The following DGCR2 variants were observed in gnomAD, a reference collection of about 807,000 sequenced individuals.
DGCR2 encodes the protein DiGeorge syndrome critical region gene 2.
DGCR2 carries 24 observed loss-of-function variants against 51.6 expected under a neutral mutation model. That is an observed-to-expected ratio of 0.47 (90% CI 0.34 to 0.65). DGCR2 has a LOEUF of 0.65. DGCR2 is among the 30% of genes least tolerant of loss of function. The pLI is 0.01. For synonymous variants in DGCR2, 340 were observed against 315.4 expected, an observed-to-expected ratio of 1.08 and a Z score of -0.82; for missense variants, 765 against 772.1, an observed-to-expected ratio of 0.99 and a Z score of 0.11.
At position 19,074,887 on chromosome 22, in the gene DGCR2, G is replaced by A. The variant is rs180726201; in HGVS notation, c.203-6662C>T. ...CCTTTTATTGTGACCCAGGTTTCCC[G>A]CTACAGGGGTTGATGTCCTCTGCAT... On this transcript the variant is annotated intron_variant, in intron 2 of 9. Transcript: ENST00000263196. 6.6e-5 allele frequency among the ~76,000 whole-genome samples: 10 copies of A among 152,144 alleles called. No individual in the cohort carries two copies. The East Asian group carries it at 1.4e-3, about 21-fold the overall frequency.
intron 1 of DGCR2, among the ~76,000 whole-genome samples, chr22:19,120,203 G>C (rs940748036): frequency 1.2e-4 from 18 of 152,294 alleles, no homozygotes; most frequent in South Asian, 6.2e-4. Flanking sequence ...AGGGGTAGCT[G>C]CAATGTTCTC....
At chr22:19,086,658 G>A (rs1318588375) in intron 2 of DGCR2, among the ~76,000 whole-genome samples, 1 of 151,956 alleles carries the variant, frequency 6.6e-6, no homozygotes, top group Non-Finnish European at 1.5e-5. Flanking sequence ...TTGCACACAC[G>A]GGTCCTCATT....
intron 2 of DGCR2, among the ~76,000 whole-genome samples, chr22:19,069,219 G>A (rs1002487181): frequency 6.6e-6 from 1 of 152,202 alleles, no homozygotes; most frequent in African/African-American, 2.4e-5. Context: ...GTGGGGCCTC[G>A]GCTCCCCAAG....
intron 2 of DGCR2, among the ~76,000 whole-genome samples, chr22:19,071,101 C>A (rs2082809733): frequency 6.6e-6 from 1 of 152,256 alleles, no homozygotes; most frequent in Non-Finnish European, 1.5e-5. Flanking sequence ...GGGGCCCGAG[C>A]AGCCCTGCCT....
At chr22:19,045,628 T>G (rs2082480944) in intron 7 of DGCR2, among the ~76,000 whole-genome samples, 1 of 152,266 alleles carries the variant, frequency 6.6e-6, no homozygotes, top group Non-Finnish European at 1.5e-5. Flanking sequence ...TCTTGCTATG[T>G]TAGCCAGGTT....
intron 1 of DGCR2, 104 bp downstream of exon 1, chr22:19,122,024 G>C: frequency 2.6e-6 from 2 of 762,436 alleles, no homozygotes; most frequent in Non-Finnish European, 1.8e-6. Context: ...CCCTGCCCCA[G>C]GCGCGGCCCC....
chr22:19,056,547 G>A (rs1331945193), intron 6 of DGCR2: 4 of 369,474 alleles, frequency 1.1e-5, no homozygotes, highest in East Asian at 5.6e-5. Context: ...GAGTTAGCTG[G>A]CTTTAATAAA....
chr22:19,086,130 G>T (rs571126300), intron 2 of DGCR2, among the ~76,000 whole-genome samples: 1 of 152,084 alleles, frequency 6.6e-6, no homozygotes, highest in South Asian at 2.1e-4. Flanking sequence ...CACATTCTTT[G>T]TACATTTTTA....
chr22:19,070,052 G>C (rs564670687), intron 2 of DGCR2, among the ~76,000 whole-genome samples: 1 of 152,230 alleles, frequency 6.6e-6, no homozygotes, highest in East Asian at 1.9e-4. Flanking sequence ...CTGGCACCAC[G>C]ACAGGCCTGA....
At chr22:19,085,388 A>G (rs1187450487) in intron 2 of DGCR2, among the ~76,000 whole-genome samples, 2 of 152,242 alleles carry the variant, frequency 1.3e-5, no homozygotes, top group Non-Finnish European at 1.5e-5. Context: ...CAGTGGGGGA[A>G]GGCAGAAGCC....
chr22:19,119,425 C>G (rs1409449133), intron 1 of DGCR2, among the ~76,000 whole-genome samples: 2 of 152,090 alleles, frequency 1.3e-5, no homozygotes, highest in Non-Finnish European at 2.9e-5. Context: ...CATCTTAAAT[C>G]AAGTTCAAAT....
intron 2 of DGCR2, among the ~76,000 whole-genome samples, chr22:19,076,323 G>C (rs930052295): frequency 1.3e-5 from 2 of 149,674 alleles, no homozygotes; most frequent in African/African-American, 5.1e-5. Context: ...ACCATACTCG[G>C]CTAATTTTTT....
intron 6 of DGCR2, among the ~76,000 whole-genome samples, chr22:19,050,076 G>A (rs2082533323): frequency 6.6e-6 from 1 of 152,106 alleles, no homozygotes; most frequent in African/African-American, 2.4e-5. Context: ...ACTAACAGCT[G>A]CAAACTACTC....
At chr22:19,101,334 G>A (rs1175839201) in intron 1 of DGCR2, among the ~76,000 whole-genome samples, 7 of 152,142 alleles carry the variant, frequency 4.6e-5, no homozygotes, top group Non-Finnish European at 7.3e-5. Flanking sequence ...ATGACAGATG[G>A]GAGGATAAAT....
chr22:19,076,920 C>T (rs1012988449), intron 2 of DGCR2, among the ~76,000 whole-genome samples: 5 of 151,770 alleles, frequency 3.3e-5, no homozygotes, highest in Middle Eastern at 3.4e-3. Context: ...TTAGTAGAGA[C>T]GGGGTTTCAC....
At chr22:19,081,602 T>A (rs2082937168) in intron 2 of DGCR2, among the ~76,000 whole-genome samples, 1 of 152,220 alleles carries the variant, frequency 6.6e-6, no homozygotes, top group African/African-American at 2.4e-5. Flanking sequence ...TTGGAGAGGA[T>A]GTGGATGGCT....
At chr22:19,083,413 C>T (rs866729267) in intron 2 of DGCR2, among the ~76,000 whole-genome samples, 7 of 152,196 alleles carry the variant, frequency 4.6e-5, no homozygotes, top group Non-Finnish European at 5.9e-5. Context: ...TTCTTCACAA[C>T]GACCTCTCAA....
At position 19,068,374 on chromosome 22, in the gene DGCR2, A is replaced by G. The variant is rs1041282498; in HGVS notation, c.203-149T>C. On this transcript the variant is annotated intron_variant, in intron 2 of 9. Coordinates refer to ENST00000263196, the MANE Select transcript of DGCR2 (RefSeq NM_005137.3). ...CAATGCAGGCTTTCTTTAGAGCCCT[A>G]TGAAACACTGCCGCTCGCATCAAAT... The G allele has an allele frequency of 4.4e-6, 4 of 903,328 alleles. No individual in the cohort carries two copies. The African/African-American group carries it at 5.2e-5, about 12-fold the overall frequency. 56.0% of individuals were successfully genotyped at this position (903,328 alleles called of 1,614,324 possible). A position where few individuals can be genotyped will look rare whatever the true frequency, so the allele number is the denominator to read the frequency against.
intron 1 of DGCR2, among the ~76,000 whole-genome samples, chr22:19,106,403 G>A (rs2146042393): frequency 6.6e-6 from 1 of 152,290 alleles, no homozygotes; most frequent in Admixed American, 6.5e-5. Flanking sequence ...AGTTTGACCT[G>A]CCACTGCGTC....
Sources: allele counts gnomAD v4.1 joint callset (sites outside exome capture counted in the v4.1 genomes callset), GRCh38; gene constraint gnomAD v4.1.1; transcripts MANE v1.5; gene names NCBI Gene and HGNC (gene_info 2026-07-23, HGNC 2026-07-21).